Variants in ZNF536 observed in about 807,000 individuals in gnomAD.
The protein encoded by ZNF536 is zinc finger protein 536.
ZNF536 carries 13 observed loss-of-function variants against 84.5 expected under a neutral mutation model. The observed-to-expected ratio is 0.15, with a 90% CI of 0.10 to 0.24. ZNF536 has a LOEUF of 0.24. ZNF536 is among the 10% of genes least tolerant of loss of function. The pLI, the probability that ZNF536 is intolerant of heterozygous loss-of-function variation, is 1.00. For missense variants in ZNF536, 1,536 were observed against 1,747.5 expected, an observed-to-expected ratio of 0.88 and a Z score of 2.16; for synonymous variants, 811 against 742.5, an observed-to-expected ratio of 1.09 and a Z score of -1.50.
At chr19:30,471,505 C>G (rs2053633015) in intron 2 of ZNF536, among the ~76,000 whole-genome samples, 1 of 152,210 alleles carries the variant, frequency 6.6e-6, no homozygotes, top group African/African-American at 2.4e-5. Context: ...TGAGACTGGT[C>G]TTGTTTGCAG....
intron 2 of ZNF536, among the ~76,000 whole-genome samples, chr19:30,495,496 A>G (rs1178274335): frequency 6.6e-6 from 1 of 152,252 alleles, no homozygotes; most frequent in African/African-American, 2.4e-5. Context: ...CCTCTGAACA[A>G]GCAGAGGCAT....
chr19:30,611,204 C>T (rs1211754795), intron 1 of ZNF536, among the ~76,000 whole-genome samples: 1 of 152,156 alleles, frequency 6.6e-6, no homozygotes, highest in Non-Finnish European at 1.5e-5. Context: ...CATCTATCCT[C>T]CAAGATGATG....
intron 1 of ZNF536, among the ~76,000 whole-genome samples, chr19:30,613,680 A>C (rs564655640): frequency 2.2e-4 from 33 of 152,292 alleles, no homozygotes; most frequent in Middle Eastern, 3.4e-3. Flanking sequence ...ACTGTACCAA[A>C]AGGTACACTT....
intron 3 of ZNF536, among the ~76,000 whole-genome samples, chr19:30,363,247 T>C (rs993468648): frequency 2.6e-5 from 4 of 152,088 alleles, no homozygotes; most frequent in Non-Finnish European, 4.4e-5. Context: ...GCAATCCAGA[T>C]CTTCTGTGCA....
intron 2 of ZNF536, among the ~76,000 whole-genome samples, chr19:30,484,322 G>C (rs1407306813): frequency 6.7e-6 from 1 of 148,980 alleles, no homozygotes; most frequent in African/African-American, 2.5e-5. Context: ...TGCCTCCTAG[G>C]TTCAAGTGAT....
chr19:30,393,470 C>T (rs2049683686), intron 1 of ZNF536, among the ~76,000 whole-genome samples: 1 of 152,194 alleles, frequency 6.6e-6, no homozygotes, highest in African/African-American at 2.4e-5. Flanking sequence ...ATGGAGCTTA[C>T]AGTCTGGAGA....
rs1003232935 is a variant in ZNF536 at position 30,525,052 on chromosome 19, G to A, written c.2171-9795G>A. Among the ~76,000 whole-genome samples, 6 of 152,096 alleles carry A rather than the reference G, an allele frequency of 3.9e-5. No individual in the cohort carries two copies. The East Asian group carries it at 9.7e-4, about 24-fold the overall frequency. On this transcript the variant is annotated intron_variant, in intron 2 of 4. Coordinates refer to ENST00000355537, the MANE Select transcript of ZNF536 (RefSeq NM_014717.3). ...TTCTCCTTATGATAGTCAGATCTTC[G>A]TTTTTAACCAGGAAGGAATTGAGTA... is the stretch of plus-strand genomic sequence containing the variant.
intron 2 of ZNF536, among the ~76,000 whole-genome samples, chr19:30,484,390 CTT>C (rs375461433): frequency 1.0e-4 from 12 of 117,378 alleles, no homozygotes; most frequent in Admixed American, 2.5e-4. Flanking sequence ...TCATGCCCAG[CTT>C]TTTTTTTTTT....
chr19:30,308,695 G>A lies in ZNF536; in HGVS notation c.-120+24554G>A, dbSNP rs190545251. 1.1e-3 allele frequency among the ~76,000 whole-genome samples: 162 copies of A among 152,216 alleles called. 4 individuals carry two copies. The highest frequency in any genetic ancestry group is 0.011 in the Admixed American group (162 of 15,290). The stretch of plus-strand genomic sequence containing the variant: ...GTTCTCTAAGGCTCCAAGTTCTAAG[G>A]GTTGCTCCTCTCCAGACAGCTTGGG... On this transcript the variant is annotated intron_variant, in intron 2 of 5. Transcript: ENST00000585628.
chr19:30,255,078 A>T (rs2024838451), intron 1 of ZNF536, among the ~76,000 whole-genome samples: 1 of 152,192 alleles, frequency 6.6e-6, no homozygotes, highest in Admixed American at 6.5e-5. Flanking sequence ...ACATTATGAA[A>T]TATCCCAGAA....
chr19:30,694,212 C>T (rs1206466594), intron 1 of ZNF536, among the ~76,000 whole-genome samples: 3 of 152,168 alleles, frequency 2.0e-5, no homozygotes, highest in Non-Finnish European at 2.9e-5. Flanking sequence ...CAATATTGGC[C>T]CCCCTCCCAC....
intron 1 of ZNF536, among the ~76,000 whole-genome samples, chr19:30,680,408 C>G (rs1159472617): frequency 8.8e-6 from 1 of 113,368 alleles, no homozygotes; most frequent in African/African-American, 3.4e-5. Flanking sequence ...CCCCCTCCCC[C>G]CACCCCACAA....
rs117958657 is a variant in ZNF536 at position 30,256,355 on chromosome 19, T to C, written c.-190+27682T>C. 1.2e-4 allele frequency among the ~76,000 whole-genome samples: 19 copies of C among 152,372 alleles called. No individual in the cohort carries two copies. In the East Asian group the frequency reaches 3.5e-3, roughly 28 times the overall value. Reference sequence around the variant, plus strand: ...GTGTAAGTCATGGGATCAGCCCATCTATCATTAGGTATTGGCCTAATTGGA... The same window carrying C: ...GTGTAAGTCATGGGATCAGCCCATCCATCATTAGGTATTGGCCTAATTGGA... On this transcript the variant is annotated intron_variant, in intron 1 of 5. Transcript: ENST00000585628.
intron 1 of ZNF536, among the ~76,000 whole-genome samples, chr19:30,231,468 T>G (rs764091799): frequency 7.2e-5 from 11 of 152,202 alleles, no homozygotes; most frequent in Admixed American, 1.3e-4. Context: ...ACTGGCACCT[T>G]CTCCAGAATG....
At chr19:30,295,076 G>C (rs1296301630) in intron 2 of ZNF536, among the ~76,000 whole-genome samples, 3 of 152,182 alleles carry the variant, frequency 2.0e-5, no homozygotes, top group African/African-American at 7.2e-5. Context: ...ACAGAGCCCT[G>C]GGGGTCTTGG....
chr19:30,607,890 A>T (rs974503098), intron 1 of ZNF536, among the ~76,000 whole-genome samples: 1 of 152,128 alleles, frequency 6.6e-6, no homozygotes, highest in Non-Finnish European at 1.5e-5. Context: ...CTTAAACAGA[A>T]TGAGGCAGAT....
At chr19:30,675,533 C>T (rs2050722578) in intron 1 of ZNF536, among the ~76,000 whole-genome samples, 1 of 152,140 alleles carries the variant, frequency 6.6e-6, no homozygotes, top group Admixed American at 6.5e-5. Flanking sequence ...TGAGATGTAA[C>T]CCATGGCTTA....
rs551453685 is a variant in ZNF536, at chr19:30,565,396, C to T, written c.169+15882C>T. 1.9e-3 allele frequency among the ~76,000 whole-genome samples: 284 copies of T among 152,220 alleles called. 2 individuals are homozygous for T. The highest frequency in any genetic ancestry group is 6.6e-3 in the African/African-American group (275 of 41,548). On this transcript the variant is annotated intron_variant, in intron 1 of 1. Coordinates refer to the ZNF536 transcript ENST00000592773. ...CTACCGGACTTGTTCCGAGCCTTGC[C>T]CCGGTGGGGGCCCACCCTCCTGTGA... is the stretch of plus-strand genomic sequence containing the variant.
intron 1 of ZNF536, among the ~76,000 whole-genome samples, chr19:30,654,387 C>A (rs1050571761): frequency 6.6e-6 from 1 of 151,680 alleles, no homozygotes; most frequent in Non-Finnish European, 1.5e-5. Flanking sequence ...CTCCTCACCA[C>A]CCCCCTTATT....
Sources: gnomAD v4.1 joint callset for allele counts (sites outside exome capture counted in the v4.1 genomes callset) on GRCh38, gnomAD v4.1.1 for gene constraint, MANE v1.5 for transcripts, NCBI Gene and HGNC (gene_info 2026-07-23, HGNC 2026-07-21) for gene names.